NFIX: variants seen among roughly 807,000 people sequenced by gnomAD.
NFIX encodes the protein nuclear factor I X.
In NFIX, 2 loss-of-function variants were observed where a neutral mutation model predicts 53.3. The ratio of observed to expected loss-of-function variants is 0.04; its 90% CI spans 0.02 to 0.12. The LOEUF is 0.12. Ranked by LOEUF, NFIX falls within the 10% of genes least tolerant of loss-of-function variation. The pLI is 1.00. For synonymous variants in NFIX, 244 were observed against 289.0 expected (o/e 0.84, Z 1.58); for missense variants, 310 against 674.5 (o/e 0.46, Z 5.99).
intron 1 of NFIX, among the ~76,000 whole-genome samples, chr19:13,003,552 CA>C (rs2011841119): frequency 6.6e-6 from 1 of 152,220 alleles, no homozygotes; most frequent in African/African-American, 2.4e-5. Context: ...CATGCAATAA[CA>C]CGCTCTCAGA....
chr19:13,035,903 A>C (rs773244129), intron 2 of NFIX, among the ~76,000 whole-genome samples: 5 of 152,212 alleles, frequency 3.3e-5, no homozygotes, highest in East Asian at 1.9e-4. Context: ...CATCATCCCA[A>C]GTGCAGAGCC....
Position 13,024,125 on chromosome 19 carries a change from A to C in NFIX, c.28-896A>C, listed in dbSNP as rs2013134186. The C allele has an allele frequency of 1.4e-5, 13 of 901,822 alleles. No individual in the cohort carries two copies. The South Asian group carries it at 1.7e-4, about 12-fold the overall frequency. 55.9% of individuals were successfully genotyped at this position (901,822 alleles called of 1,614,324 possible). On this transcript the variant is annotated intron_variant, in intron 1 of 10. Transcript: ENST00000592199. ...ACAAGCAAACAACCAAAAAAAAAAA[A>C]AAAAACCAAACAAAACCGAGAGAGC...
intron 1 of NFIX, among the ~76,000 whole-genome samples, chr19:13,023,778 C>T (rs1464146888): frequency 6.8e-6 from 1 of 147,014 alleles, no homozygotes; most frequent in Non-Finnish European, 1.5e-5. Context: ...CTTTTTGCTC[C>T]TTTTCAAAAA....
chr19:13,032,268 G>A (rs2013873015), intron 2 of NFIX, among the ~76,000 whole-genome samples: 1 of 152,172 alleles, frequency 6.6e-6, no homozygotes, highest in Non-Finnish European at 1.5e-5. Context: ...TCTGAAGAGA[G>A]GGCTAGTGTA....
rs2145178195 is a variant in NFIX at position 13,021,176 on chromosome 19, C to T, written c.28-3845C>T. 6.6e-6 allele frequency among the ~76,000 whole-genome samples: 1 copy of T among 152,202 alleles called. No homozygotes were observed. Among genetic ancestry groups the T allele is most frequent in the South Asian group, 2.1e-4 (1 of 4,824 alleles). ...GGATTTGGTACCTTATGTCATGTCT[C>T]TGAGCTAACATCTTTGGCTGATTGG... On this transcript the variant is annotated intron_variant, in intron 1 of 10. Transcript: ENST00000592199. The surrounding 1 kb of genome is among the most constrained non-coding windows in gnomAD (Gnocchi z 4.2).
At chr19:13,080,931 C>T (rs889963296) in intron 7 of NFIX, among the ~76,000 whole-genome samples, 7 of 151,792 alleles carry the variant, frequency 4.6e-5, no homozygotes, top group Middle Eastern at 3.4e-3. Flanking sequence ...ACCCGGGAGG[C>T]AGAGCTTGCA....
chr19:13,007,322 G>A (rs2012078310), intron 1 of NFIX, among the ~76,000 whole-genome samples: 1 of 152,162 alleles, frequency 6.6e-6, no homozygotes, highest in Non-Finnish European at 1.5e-5. Flanking sequence ...CTTTCTGCGT[G>A]CTCGTGTGTA....
At chr19:13,059,739 C>CTTT (rs111906867) in intron 2 of NFIX, among the ~76,000 whole-genome samples, 1 of 71,830 alleles carries the variant, frequency 1.4e-5, no homozygotes, top group South Asian at 4.8e-4. Flanking sequence ...AAGAGGGATG[C>CTTT]TTTTTTTTTT....
rs897511794 is a variant in NFIX at position 13,068,967 on chromosome 19, C to T, written c.560-4080C>T. Among the ~76,000 whole-genome samples the T allele has an allele frequency of 5.9e-5, 9 of 152,214 alleles. No homozygotes were observed. Among genetic ancestry groups the T allele is most frequent in the East Asian group, 1.9e-4 (1 of 5,198 alleles). On this transcript the variant is annotated intron_variant, in intron 2 of 10. Transcript: ENST00000592199. The surrounding 1 kb of genome is among the most constrained non-coding windows in gnomAD (Gnocchi z 4.2). ...AGCCTGGCCCAGAAACCAGGGACCC[C>T]GAATGCCAGCCTGGCCAAGGCACCT...
intron 2 of NFIX, among the ~76,000 whole-genome samples, chr19:13,058,414 C>T (rs1409709146): frequency 6.6e-6 from 1 of 151,986 alleles, no homozygotes; most frequent in Non-Finnish European, 1.5e-5. Context: ...ACTAGGAGGC[C>T]CAGACCAGAG....
Position 13,094,996 on chromosome 19 carries a change from G to A in NFIX, c.*347G>A. 1 of 282,954 alleles carries A rather than the reference G, an allele frequency of 3.5e-6. No individual in the cohort carries two copies. The allele number at this position is 282,954 out of a possible 1,614,324, so 17.5% of individuals were successfully genotyped here. A position where few individuals can be genotyped will look rare whatever the true frequency, so the allele number is the denominator to read the frequency against. ...CCTGACCCCGCCCCGGCCTTCTGGG[G>A]AAGGAACAAAGTCCCCAAACAAAGC... is the stretch of plus-strand genomic sequence containing the variant. On this transcript the variant is annotated 3_prime_UTR_variant, in exon 11 of 11. Transcript: ENST00000592199. The surrounding 1 kb of genome is among the most constrained non-coding windows in gnomAD (Gnocchi z 4.3).
At chr19:13,084,140 G>A (rs1457715353) in intron 8 of NFIX, among the ~76,000 whole-genome samples, 1 of 152,172 alleles carries the variant, frequency 6.6e-6, no homozygotes. Flanking sequence ...GCAGGAAAAT[G>A]TCTGCATAGA....
rs778691901 is a variant in NFIX, at chr19:13,043,787, C to G, written c.559+18235C>G. Reference sequence around the variant, plus strand: ...AGACTTGGTCCCCACTGCCATGGCACTCTTATCTGTGTGCCTGAATATGCA... The same window carrying G: ...AGACTTGGTCCCCACTGCCATGGCAGTCTTATCTGTGTGCCTGAATATGCA... On this transcript the variant is annotated intron_variant, in intron 2 of 10. Coordinates refer to ENST00000592199, the MANE Select transcript of NFIX (RefSeq NM_001365902.3). The surrounding 1 kb of genome is among the most constrained non-coding windows in gnomAD (Gnocchi z 4.0). Among the ~76,000 whole-genome samples the G allele has an allele frequency of 1.1e-4, 17 of 152,156 alleles. No homozygotes were observed. Among genetic ancestry groups the G allele is most frequent in the Non-Finnish European group, 2.1e-4 (14 of 68,014 alleles).
chr19:13,023,070 T>TTCTCTCTCTCTCTCTCTC (rs3840930), intron 1 of NFIX, among the ~76,000 whole-genome samples: 4,174 of 137,954 alleles, frequency 0.03, 240 homozygotes, highest in African/African-American at 0.1. Context: ...TTCTCTCTCT[T>TTCTCTCTCTCTCTCTCTC]TCTCTCTCTC....
Position 13,012,763 on chromosome 19 carries a change from A to C in NFIX, c.28-12258A>C, listed in dbSNP as rs569828939. 6.6e-6 allele frequency among the ~76,000 whole-genome samples: 1 copy of C among 152,280 alleles called. No individual in the cohort carries two copies. The highest frequency in any genetic ancestry group is 2.4e-5 in the African/African-American group (1 of 41,560). On this transcript the variant is annotated intron_variant, in intron 1 of 10. Transcript: ENST00000592199. The surrounding 1 kb of genome is among the most constrained non-coding windows in gnomAD (Gnocchi z 5.0). ...AGAGTTTGGGGTTTAACTGCCCCCAAATCCGAGGACAGCTTGGGGGCGTCC... is the reference window on the plus strand; with the variant it reads ...AGAGTTTGGGGTTTAACTGCCCCCACATCCGAGGACAGCTTGGGGGCGTCC...
rs1248831310 is a variant in NFIX, at chr19:13,036,048, C to T, written c.559+10496C>T. ...GGGATTCCTGCTGGTGGTATAACCCCGACCACAGAAGTCAGGGCCTAAGCC... is the reference window on the plus strand; with the variant it reads ...GGGATTCCTGCTGGTGGTATAACCCTGACCACAGAAGTCAGGGCCTAAGCC... On this transcript the variant is annotated intron_variant, in intron 2 of 10. Transcript: ENST00000592199. This position sits in a 1 kb window ranked among gnomAD's most constrained non-coding sequence, Gnocchi z 4.7. 2.0e-5 allele frequency among the ~76,000 whole-genome samples: 3 copies of T among 152,178 alleles called. No individual in the cohort carries two copies. The highest frequency in any genetic ancestry group is 4.8e-5 in the African/African-American group (2 of 41,448).
In NFIX at chr19:13,006,126, C is replaced by T. The variant is rs900590574; in HGVS notation, c.27+10262C>T. Among the ~76,000 whole-genome samples, 3 of 152,210 alleles carry T rather than the reference C, an allele frequency of 2.0e-5. No homozygotes were observed. Among genetic ancestry groups the T allele is most frequent in the Non-Finnish European group, 2.9e-5 (2 of 68,040 alleles). On this transcript the variant is annotated intron_variant, in intron 1 of 10. Coordinates refer to ENST00000592199, the MANE Select transcript of NFIX (RefSeq NM_001365902.3). This position sits in a 1 kb window ranked among gnomAD's most constrained non-coding sequence, Gnocchi z 5.6. ...TGAATCTGATAAACAAGGGAGTGTC[C>T]AGTCCTTGAGATGGCGCTAGGTGCT... is the stretch of plus-strand genomic sequence containing the variant.
Position 13,060,856 on chromosome 19 carries a change from C to T in NFIX, c.560-12191C>T, listed in dbSNP as rs2016032415. Among the ~76,000 whole-genome samples, 1 of 152,176 alleles carries T rather than the reference C, an allele frequency of 6.6e-6. No homozygotes were observed. Among genetic ancestry groups the T allele is most frequent in the African/African-American group, 2.4e-5 (1 of 41,424 alleles). On this transcript the variant is annotated intron_variant, in intron 2 of 10. Coordinates refer to ENST00000592199, the MANE Select transcript of NFIX (RefSeq NM_001365902.3). The surrounding 1 kb of genome is among the most constrained non-coding windows in gnomAD (Gnocchi z 4.3). ...GAGGGTGTGCCCGCCCGGCTGCTGC[C>T]GCCACTGCAGAGGGCGCTGATTTTT...
At position 13,027,678 on chromosome 19, in the gene NFIX, G is replaced by A. The variant is rs915949236; in HGVS notation, c.559+2126G>A. Reference sequence around the variant, plus strand: ...TTGACTGCTGCCAGTGTGGGGCTAAGGTAGGATGAAAAGTATGTGAGGAAG... The same window carrying A: ...TTGACTGCTGCCAGTGTGGGGCTAAAGTAGGATGAAAAGTATGTGAGGAAG... On this transcript the variant is annotated intron_variant, in intron 2 of 10. Coordinates refer to ENST00000592199, the MANE Select transcript of NFIX (RefSeq NM_001365902.3). This position sits in a 1 kb window ranked among gnomAD's most constrained non-coding sequence, Gnocchi z 4.3. 6.6e-6 allele frequency among the ~76,000 whole-genome samples: 1 copy of A among 152,184 alleles called. No individual in the cohort carries two copies. Among genetic ancestry groups the A allele is most frequent in the African/African-American group, 2.4e-5 (1 of 41,428 alleles).
Sources: gnomAD v4.1 joint callset for allele counts (sites outside exome capture counted in the v4.1 genomes callset) on GRCh38, gnomAD v4.1.1 for gene constraint, Gnocchi (gnomAD v3.1) non-coding constraint, MANE v1.5 for transcripts, NCBI Gene and HGNC (gene_info 2026-07-23, HGNC 2026-07-21) for gene names.